The following ZNF26 variants were observed in gnomAD, a reference collection of about 807,000 sequenced individuals.
The protein encoded by ZNF26 is epididymis luminal protein 179.
In ZNF26, 32 loss-of-function variants were observed where a neutral mutation model predicts 54.9. The observed-to-expected ratio is 0.58, with a 90% CI of 0.44 to 0.78. ZNF26 has a LOEUF of 0.78. ZNF26 is among the 30% of genes least tolerant of loss of function. ZNF26 has a pLI of 0.00. For synonymous variants in ZNF26, 221 were observed against 209.2 expected (o/e 1.06, Z -0.49); for missense variants, 524 against 634.0 (o/e 0.83, Z 1.86).
Position 133,011,322 on chromosome 12 carries a change from T to C in ZNF26, c.1443T>C (p.Pro481=). 6.2e-7 allele frequency: 1 copy of C among 1,613,426 alleles called. No homozygotes were observed. Among genetic ancestry groups the C allele is most frequent in the Non-Finnish European group, 8.5e-7 (1 of 1,179,808 alleles). The part of the protein sequence containing the change: ...IHQKTHSGEK[P]FKCSECGKAF... ...AGAAAACTCATTCGGGAGAGAAACCTTTTAAATGCAGTGAATGTGGAAAAG... is the reference window on the plus strand; with the variant it reads ...AGAAAACTCATTCGGGAGAGAAACCCTTTAAATGCAGTGAATGTGGAAAAG... Residue 481 remains proline, a synonymous_variant, in exon 4 of 4, where the codon CCT becomes CCC. Coordinates refer to ENST00000328654, the MANE Select transcript of ZNF26 (RefSeq NM_019591.4).
At chr12:133,002,948 A>G (rs1184538674) in intron 1 of ZNF26, among the ~76,000 whole-genome samples, 3 of 151,768 alleles carry the variant, frequency 2.0e-5, no homozygotes, top group African/African-American at 7.3e-5. Context: ...AGTACCTAGC[A>G]CCCCTGGCAT....
rs1351687695 is a variant in ZNF26, at chr12:133,024,744, A to T, written c.*13263A>T. ...ATGCTTCTGTGAGCCCTCTCTCATAAGCAACAGAACTGCTAAGAATTTTAA... is the reference window on the plus strand; with the variant it reads ...ATGCTTCTGTGAGCCCTCTCTCATATGCAACAGAACTGCTAAGAATTTTAA... On this transcript the variant is annotated 3_prime_UTR_variant, in exon 4 of 4. Coordinates refer to ENST00000328654, the MANE Select transcript of ZNF26 (RefSeq NM_019591.4). The T allele has an allele frequency of 6.6e-6, 1 of 152,206 alleles. No homozygotes were observed. Among genetic ancestry groups the T allele is most frequent in the Non-Finnish European group, 1.5e-5 (1 of 68,040 alleles). 9.4% of individuals were successfully genotyped at this position (152,206 alleles called of 1,614,324 possible).
At position 133,025,681 on chromosome 12, in the gene ZNF26, C is replaced by G. The variant is rs1262752070; in HGVS notation, c.*14200C>G. On this transcript the variant is annotated 3_prime_UTR_variant, in exon 4 of 4. Transcript: ENST00000328654. ...AATAGGCCAGGTGCAGTGGCTCATA[C>G]CTGTAATCCCAGAGCTTCAGGAGGC... The G allele has an allele frequency of 1.3e-5, 2 of 152,230 alleles. No homozygotes were observed. Among genetic ancestry groups the G allele is most frequent in the Non-Finnish European group, 2.9e-5 (2 of 68,092 alleles). The allele number at this position is 152,230 out of a possible 1,614,324, so 9.4% of individuals were successfully genotyped here.
intron 1 of ZNF26, among the ~76,000 whole-genome samples, chr12:132,995,856 T>G (rs2137224530): frequency 6.6e-6 from 1 of 152,310 alleles, no homozygotes; most frequent in East Asian, 1.9e-4. Context: ...TTCACCATGT[T>G]GGTCAGGCTG....
Position 133,011,324 on chromosome 12 carries a change from T to G in ZNF26, c.1445T>G (p.Phe482Cys). Reference sequence around the variant, plus strand: ...AAAACTCATTCGGGAGAGAAACCTTTTAAATGCAGTGAATGTGGAAAAGCC... The same window carrying G: ...AAAACTCATTCGGGAGAGAAACCTTGTAAATGCAGTGAATGTGGAAAAGCC... ...HQKTHSGEKPFKCSECGKAFT... is the reference protein window; with the variant it reads ...HQKTHSGEKPCKCSECGKAFT... The change falls in exon 4 of 4, where the codon TTT becomes TGT. Residue 482 changes from phenylalanine (F) to cysteine (C), a missense_variant. Physicochemically the swap from Phe to Cys is radical, Grantham distance 205. Transcript: ENST00000328654. 6.2e-7 allele frequency: 1 copy of G among 1,611,720 alleles called. No homozygotes were observed. Among genetic ancestry groups the G allele is most frequent in the Non-Finnish European group, 8.5e-7 (1 of 1,179,190 alleles).
chr12:133,020,993 G>T lies in ZNF26; in HGVS notation c.*9512G>T, dbSNP rs1477108133. On this transcript the variant is annotated 3_prime_UTR_variant, in exon 4 of 4. Coordinates refer to ENST00000328654, the MANE Select transcript of ZNF26 (RefSeq NM_019591.4). ...TCTCCAAATAAGGCCTCACTCTGAG[G>T]TATGGAAATTAGGACCCCAACATAT... 6.6e-6 allele frequency: 1 copy of T among 150,614 alleles called. No homozygotes were observed. Among genetic ancestry groups the T allele is most frequent in the Admixed American group, 6.6e-5 (1 of 15,162 alleles). The allele number at this position is 150,614 out of a possible 1,614,324, so 9.3% of individuals were successfully genotyped here.
chr12:132,989,346 TTTTG>T (rs1952897784), intron 1 of ZNF26, among the ~76,000 whole-genome samples: 32 of 152,314 alleles, frequency 2.1e-4, no homozygotes, highest in African/African-American at 7.7e-4. Context: ...TGGTGAATTC[TTTTG>T]GACTTTGCAC....
intron 1 of ZNF26, chr12:133,004,292 A>G (rs936500798): frequency 1.3e-5 from 2 of 149,896 alleles, no homozygotes; most frequent in Admixed American, 6.6e-5. Flanking sequence ...CCCAAGTGAA[A>G]GATGTTTCTT....
chr12:133,026,410 T>C lies in ZNF26; in HGVS notation c.*14929T>C, dbSNP rs1488674363. ...CACTGCGCCTGGCCAATAAGTCTCT[T>C]TTTTTAGGTAATCAAGTTAAAATAA... On this transcript the variant is annotated 3_prime_UTR_variant, in exon 4 of 4. Transcript: ENST00000328654. 3 of 151,948 alleles carry C rather than the reference T, an allele frequency of 2.0e-5. No individual in the cohort carries two copies. Among genetic ancestry groups the C allele is most frequent in the Admixed American group, 2.0e-4 (3 of 15,244 alleles). The allele number at this position is 151,948 out of a possible 1,614,324, so 9.4% of individuals were successfully genotyped here. A position where few individuals can be genotyped will look rare whatever the true frequency, so the allele number is the denominator to read the frequency against.
chr12:132,989,028 A>ATTTTTTTTTTTTTTTTTTTT (rs150395603), intron 1 of ZNF26, among the ~76,000 whole-genome samples: 1 of 78,826 alleles, frequency 1.3e-5, no homozygotes. Context: ...CTTTCGGTGA[A>ATTTTTTTTTTTTTTTTTTTT]TTTTTTTTTT....
At chr12:132,991,577 G>C (rs1470121701) in intron 1 of ZNF26, among the ~76,000 whole-genome samples, 1 of 151,324 alleles carries the variant, frequency 6.6e-6, no homozygotes, top group Non-Finnish European at 1.5e-5. Context: ...CCAGGAGTTT[G>C]AGACCAGCCT....
intron 1 of ZNF26, among the ~76,000 whole-genome samples, chr12:132,998,460 C>T (rs1236110297): frequency 4.6e-5 from 7 of 152,160 alleles, no homozygotes; most frequent in South Asian, 2.1e-4. Flanking sequence ...CCACTGCTCT[C>T]GGCCTTGCTG....
intron 1 of ZNF26, among the ~76,000 whole-genome samples, chr12:133,002,552 G>A (rs932929502): frequency 2.6e-5 from 4 of 151,818 alleles, no homozygotes; most frequent in Non-Finnish European, 5.9e-5. Flanking sequence ...CCTGATCACC[G>A]TGTCTGAAAC....
chr12:132,990,670 C>G (rs1952929509), intron 1 of ZNF26, among the ~76,000 whole-genome samples: 2 of 152,064 alleles, frequency 1.3e-5, no homozygotes, highest in South Asian at 2.1e-4. Context: ...GTGAGTGAAC[C>G]CATCTTGGCC....
In ZNF26 at chr12:133,010,458, C is replaced by G; in HGVS notation, c.579C>G (p.Leu193=). 1 of 1,613,528 alleles carries G rather than the reference C, an allele frequency of 6.2e-7. No homozygotes were observed. The change falls in exon 4 of 4, where the codon CTC becomes CTG. Residue 193 remains leucine, a synonymous_variant. Coordinates refer to ENST00000328654, the MANE Select transcript of ZNF26 (RefSeq NM_019591.4). ...GTAAGTCACAGCTCATTGTACATCT[C>G]AGAATTCATACAGGAGAGAGACCTT... ...FRCKSQLIVH[L]RIHTGERPYE...
Position 133,017,719 on chromosome 12 carries a change from ATAAT to A in ZNF26, c.*6241_*6244del, listed in dbSNP as rs1162374776. The A allele has an allele frequency of 3.9e-5, 6 of 152,344 alleles. No homozygotes were observed. The highest frequency in any genetic ancestry group is 1.4e-4 in the African/African-American group (6 of 41,578). 9.4% of individuals were successfully genotyped at this position (152,344 alleles called of 1,614,324 possible). On this transcript the variant is annotated 3_prime_UTR_variant, in exon 4 of 4. Transcript: ENST00000328654. ...TTCTTATTTTATTAGTAACTGATTA[ATAAT>A]TATAGGCCAGGCGTGGTGGCTCACG...
At chr12:132,991,636 A>ACAAC (rs372924982) in intron 1 of ZNF26, among the ~76,000 whole-genome samples, 11 of 148,532 alleles carry the variant, frequency 7.4e-5, no homozygotes, top group South Asian at 2.1e-4. Flanking sequence ...ACAACAAAAA[A>ACAAC]AAAAAAAACC....
Position 133,011,812 on chromosome 12 carries a change from A to G in ZNF26, c.*331A>G. The G allele has an allele frequency of 5.9e-6, 1 of 168,604 alleles. No individual in the cohort carries two copies. Among genetic ancestry groups the G allele is most frequent in the Non-Finnish European group, 1.3e-5 (1 of 78,792 alleles). 10.4% of individuals were successfully genotyped at this position (168,604 alleles called of 1,614,324 possible). On this transcript the variant is annotated 3_prime_UTR_variant, in exon 4 of 4. Coordinates refer to ENST00000328654, the MANE Select transcript of ZNF26 (RefSeq NM_019591.4). ...GAAAGTGTGTTCCATGGAAAGTCAC[A>G]TTCCAGATTTGAAGCTGTGTTTTTG... is the stretch of plus-strand genomic sequence containing the variant.
At position 133,025,412 on chromosome 12, in the gene ZNF26, C is replaced by T. The variant is rs779635707; in HGVS notation, c.*13931C>T. 2.0e-5 allele frequency: 3 copies of T among 152,014 alleles called. No homozygotes were observed. Among genetic ancestry groups the T allele is most frequent in the East Asian group, 1.9e-4 (1 of 5,190 alleles). 9.4% of individuals were successfully genotyped at this position (152,014 alleles called of 1,614,324 possible). ...CCTGGTCTTCAATCTGATATTATAACGGGATGAGACATTGGGATCTTGGGG... is the reference window on the plus strand; with the variant it reads ...CCTGGTCTTCAATCTGATATTATAATGGGATGAGACATTGGGATCTTGGGG... On this transcript the variant is annotated 3_prime_UTR_variant, in exon 4 of 4. Transcript: ENST00000328654.
Sources: gnomAD v4.1 joint callset for allele counts (sites outside exome capture counted in the v4.1 genomes callset) on GRCh38, gnomAD v4.1.1 for gene constraint, MANE v1.5 for transcripts, NCBI Gene and HGNC (gene_info 2026-07-23, HGNC 2026-07-21) for gene names.